The following TRIP11 variants were observed in gnomAD, a reference collection of about 807,000 sequenced individuals.
The protein encoded by TRIP11 is thyroid hormone receptor interactor 11, also known as thyroid receptor-interacting protein 11.
A neutral mutation model predicts 223.1 loss-of-function variants in TRIP11; 148 were observed. That is an observed-to-expected ratio of 0.66 (90% CI 0.58 to 0.76). The LOEUF is 0.76. TRIP11 is among the 30% of genes least tolerant of loss of function. The pLI is 0.00. For synonymous variants in TRIP11, 762 were observed against 772.6 expected, an observed-to-expected ratio of 0.99 and a Z score of 0.23; for missense variants, 2,043 against 2,222.0, an observed-to-expected ratio of 0.92 and a Z score of 1.62.
chr14:92,026,192 C>G (rs2057184148), intron 2 of TRIP11, among the ~76,000 whole-genome samples: 1 of 152,090 alleles, frequency 6.6e-6, no homozygotes, highest in Non-Finnish European at 1.5e-5. Context: ...TTCAGGGTCC[C>G]TGAAGGACCT....
intron 9 of TRIP11, 85 bp from the exon 10 acceptor site, chr14:92,007,937 G>A: frequency 1.9e-6 from 2 of 1,074,882 alleles, no homozygotes; most frequent in South Asian, 2.8e-5. Context: ...GCAAAACTTG[G>A]GATTCTATTT....
intron 8 of TRIP11, 119 bp from the exon 9 acceptor site, chr14:92,011,191 T>C (rs2056967832): frequency 4.3e-6 from 4 of 939,658 alleles, no homozygotes; most frequent in Admixed American, 2.0e-5. Flanking sequence ...ATGTAGTAAT[T>C]ATAAGAATGC....
At chr14:92,009,329 G>A (rs906273680) in intron 9 of TRIP11, among the ~76,000 whole-genome samples, 1 of 152,014 alleles carries the variant, frequency 6.6e-6, no homozygotes, top group Non-Finnish European at 1.5e-5. Flanking sequence ...CACCACACTC[G>A]GCCCTCATAG....
At chr14:92,026,909 A>C in intron 2 of TRIP11, 1 of 1,475,210 alleles carries the variant, frequency 6.8e-7, no homozygotes. Context: ...GGAAAAGTTA[A>C]ACTAAAAAAA....
intron 7 of TRIP11, among the ~76,000 whole-genome samples, chr14:92,012,719 T>C (rs79657436): frequency 0.018 from 2,801 of 152,250 alleles, 53 homozygotes; most frequent in South Asian, 0.074. Flanking sequence ...TAAGGAGCTA[T>C]AGAAAATTCA....
In TRIP11 at chr14:91,993,476, C is replaced by CAAAAAA. The variant is rs59244424; in HGVS notation, c.5160+327_5160+332dup. ...GGGTAACAAGAGTGAAACTCGGTCT[C>CAAAAAA]AAAAAAAAAAAAAAAAAAAAAAAGA... On this transcript the variant is annotated intron_variant, in intron 15 of 20. Transcript: ENST00000267622. 2.4e-3 allele frequency among the ~76,000 whole-genome samples: 125 copies of CAAAAAA among 51,740 alleles called. 1 individual carries two copies. Among genetic ancestry groups the CAAAAAA allele is most frequent in the African/African-American group, 8.8e-3 (125 of 14,202 alleles). The allele number at this position is 51,740 out of a possible 152,430, so 33.9% of individuals were successfully genotyped here.
intron 15 of TRIP11, among the ~76,000 whole-genome samples, chr14:91,991,673 T>C (rs2056674193): frequency 6.6e-6 from 1 of 152,180 alleles, no homozygotes; most frequent in South Asian, 2.1e-4. Context: ...ATTAATAAAA[T>C]GGGTAAATTA....
intron 2 of TRIP11, among the ~76,000 whole-genome samples, chr14:92,025,906 T>A (rs1018346236): frequency 6.7e-6 from 1 of 148,326 alleles, no homozygotes; most frequent in Non-Finnish European, 1.5e-5. Context: ...GCACTGACCA[T>A]GTTTATACAG....
chr14:92,017,608 C>T, intron 5 of TRIP11, 74 bp downstream of exon 5: 2 of 1,131,362 alleles, frequency 1.8e-6, no homozygotes, highest in Non-Finnish European at 2.6e-6. Context: ...GAGACTTTTA[C>T]TAATTCAGGC....
intron 7 of TRIP11, among the ~76,000 whole-genome samples, chr14:92,013,335 G>A (rs1321547994): frequency 2.6e-5 from 4 of 152,062 alleles, no homozygotes; most frequent in Non-Finnish European, 4.4e-5. Context: ...CCTAAAGAGC[G>A]GCAGAAAGTA....
intron 11 of TRIP11, among the ~76,000 whole-genome samples, chr14:92,003,015 G>T (rs1318546390): frequency 6.6e-6 from 1 of 152,092 alleles, no homozygotes; most frequent in Non-Finnish European, 1.5e-5. Context: ...ATTTCTTACT[G>T]CAGATGGTTA....
chr14:92,000,811 C>G (rs2056815287), intron 11 of TRIP11, among the ~76,000 whole-genome samples: 1 of 151,692 alleles, frequency 6.6e-6, no homozygotes, highest in Non-Finnish European at 1.5e-5. Context: ...AGCTGAAATT[C>G]TAAAAAGCAC....
intron 1 of TRIP11, among the ~76,000 whole-genome samples, chr14:92,034,357 A>T (rs1487812372): frequency 6.6e-6 from 1 of 150,840 alleles, no homozygotes; most frequent in Non-Finnish European, 1.5e-5. Context: ...TGGGAGGTGG[A>T]GGTTGCAGTG....
intron 20 of TRIP11, among the ~76,000 whole-genome samples, chr14:91,971,925 G>A (rs1365147174): frequency 1.3e-5 from 2 of 152,124 alleles, no homozygotes; most frequent in African/African-American, 4.8e-5. Flanking sequence ...CATCTGATGT[G>A]TGATATGAGT....
chr14:91,984,895 A>C (rs1259390575), intron 16 of TRIP11, among the ~76,000 whole-genome samples: 1 of 152,202 alleles, frequency 6.6e-6, no homozygotes, highest in Non-Finnish European at 1.5e-5. Context: ...ATTGAAGAAC[A>C]CTTTCAGGTA....
At chr14:91,989,490 A>C (rs2056646697) in intron 15 of TRIP11, among the ~76,000 whole-genome samples, 1 of 150,470 alleles carries the variant, frequency 6.6e-6, no homozygotes, top group South Asian at 2.1e-4. Context: ...AATCTAGTCA[A>C]TATTGTATCG....
At chr14:92,017,819 A>C (rs1414176545) in intron 4 of TRIP11, 69 bp from the exon 5 acceptor site, 1 of 1,316,968 alleles carries the variant, frequency 7.6e-7, no homozygotes, top group East Asian at 2.3e-5. Flanking sequence ...TCACAAACTA[A>C]CTTCATTACA....
chr14:92,037,852 G>T lies in TRIP11; in HGVS notation c.139+1695C>A, dbSNP rs966805280. Among the ~76,000 whole-genome samples, 1 of 152,196 alleles carries T rather than the reference G, an allele frequency of 6.6e-6. No homozygotes were observed. Among genetic ancestry groups the T allele is most frequent in the Non-Finnish European group, 1.5e-5 (1 of 68,034 alleles). ...GATCGCGCCACTGCATCCAGCCTAC[G>T]CAACAGAGTGAGACTCAGTCCAAAA... On this transcript the variant is annotated intron_variant, in intron 1 of 20. Transcript: ENST00000267622. The surrounding 1 kb of genome is among the most constrained non-coding windows in gnomAD (Gnocchi z 4.2).
At chr14:91,983,488 C>T (rs2056568491) in intron 16 of TRIP11, among the ~76,000 whole-genome samples, 1 of 152,156 alleles carries the variant, frequency 6.6e-6, no homozygotes, top group Non-Finnish European at 1.5e-5. Flanking sequence ...ATTCTTATTG[C>T]TATATCATTT....
Sources: gnomAD v4.1 joint callset for allele counts (sites outside exome capture counted in the v4.1 genomes callset) on GRCh38, gnomAD v4.1.1 for gene constraint, Gnocchi (gnomAD v3.1) non-coding constraint, MANE v1.5 for transcripts, NCBI Gene and HGNC (gene_info 2026-07-23, HGNC 2026-07-21) for gene names.